The following CDH4 variants were observed in gnomAD, a reference collection of about 807,000 sequenced individuals.
CDH4 encodes the protein cadherin 4.
Under a neutral mutation model 86.0 loss-of-function variants are expected in CDH4, and 33 were observed. The observed-to-expected ratio is 0.38, with a 90% CI of 0.29 to 0.51. CDH4 has a LOEUF of 0.51. Among genes scored for constraint, CDH4 ranks in the 20% least tolerant of loss-of-function variants. The pLI, the probability that CDH4 is intolerant of heterozygous loss-of-function variation, is 0.86. For synonymous variants in CDH4, 555 were observed against 549.4 expected (o/e 1.01, Z -0.14); for missense variants, 1,114 against 1,307.4 (o/e 0.85, Z 2.28).
intron 2 of CDH4, among the ~76,000 whole-genome samples, chr20:61,565,222 AG>A (rs2086268590): frequency 9.3e-5 from 1 of 10,708 alleles, no homozygotes; most frequent in Non-Finnish European, 1.6e-4. Context: ...TCTCGGTGGT[AG>A]GTGGTGGTGG....
intron 2 of CDH4, chr20:61,719,653 T>G (rs976205010): frequency 1.9e-5 from 3 of 156,388 alleles, no homozygotes; most frequent in African/African-American, 7.2e-5. Context: ...CGATCCAATG[T>G]CCCCCCAGAA....
chr20:61,884,716 G>C (rs910773016), intron 7 of CDH4, among the ~76,000 whole-genome samples: 5 of 152,174 alleles, frequency 3.3e-5, no homozygotes, highest in Non-Finnish European at 7.4e-5. Context: ...CTAGTTCCTG[G>C]GTGCCCGGGA....
chr20:61,656,328 C>T (rs1225466262), intron 2 of CDH4, among the ~76,000 whole-genome samples: 9 of 91,960 alleles, frequency 9.8e-5, no homozygotes, highest in South Asian at 8.0e-4. Context: ...TGGGCAGGCG[C>T]GTGCTGGGGT....
intron 2 of CDH4, among the ~76,000 whole-genome samples, chr20:61,530,120 C>A (rs1428816697): frequency 6.6e-6 from 1 of 152,140 alleles, no homozygotes; most frequent in African/African-American, 2.4e-5. Context: ...ACAACCTCCG[C>A]CTCCCAGGTT....
chr20:61,752,906 A>G (rs1307475934), intron 3 of CDH4, among the ~76,000 whole-genome samples: 1 of 152,174 alleles, frequency 6.6e-6, no homozygotes, highest in Non-Finnish European at 1.5e-5. Flanking sequence ...GGGGGACACC[A>G]GAGGGTGGGA....
At chr20:61,353,131 G>A (rs776858116) in intron 2 of CDH4, among the ~76,000 whole-genome samples, 3 of 152,152 alleles carry the variant, frequency 2.0e-5, no homozygotes, top group African/African-American at 4.8e-5. Flanking sequence ...CACAGGCTTC[G>A]CTTCTGGTGT....
chr20:61,704,297 C>A (rs1055507384), intron 2 of CDH4, among the ~76,000 whole-genome samples: 10 of 152,204 alleles, frequency 6.6e-5, no homozygotes, highest in Non-Finnish European at 1.5e-4. Flanking sequence ...AGCACTGCCT[C>A]CCCACTCTGA....
rs115659580 is a variant in CDH4, at chr20:61,522,660, G to A, written c.170-220903G>A. ...CAGCCCCACTCGGAACTGCACGCAC[G>A]GCGCAGTCCGGGTGGGAGCCAGCGC... On this transcript the variant is annotated intron_variant, in intron 2 of 15. Coordinates refer to ENST00000614565, the MANE Select transcript of CDH4 (RefSeq NM_001794.5). Among the ~76,000 whole-genome samples, 8 of 152,278 alleles carry A rather than the reference G, an allele frequency of 5.3e-5. No homozygotes were observed. The East Asian group carries it at 1.2e-3, about 22-fold the overall frequency.
At chr20:61,915,287 T>C (rs965848956) in intron 9 of CDH4, among the ~76,000 whole-genome samples, 11 of 152,168 alleles carry the variant, frequency 7.2e-5, no homozygotes, top group Non-Finnish European at 1.6e-4. Context: ...GTTCCACAGG[T>C]TTGAGGCCGA....
At chr20:61,541,264 C>T (rs1304461176) in intron 2 of CDH4, among the ~76,000 whole-genome samples, 3 of 152,180 alleles carry the variant, frequency 2.0e-5, no homozygotes, top group Non-Finnish European at 4.4e-5. Flanking sequence ...CATTAACGTG[C>T]GGAGAACGCC....
intron 2 of CDH4, among the ~76,000 whole-genome samples, chr20:61,264,237 C>T (rs565753011): frequency 3.7e-4 from 57 of 152,264 alleles, no homozygotes; most frequent in African/African-American, 1.2e-3. Context: ...CCACACTGTG[C>T]GGTGACCTTC....
intron 7 of CDH4, among the ~76,000 whole-genome samples, chr20:61,876,029 T>C (rs1315194120): frequency 6.6e-6 from 1 of 152,200 alleles, no homozygotes; most frequent in African/African-American, 2.4e-5. Flanking sequence ...GAGCAGGTGG[T>C]CTGACTGGAG....
At chr20:61,332,757 T>A (rs8124251) in intron 2 of CDH4, among the ~76,000 whole-genome samples, 85,150 of 152,166 alleles carry the variant, frequency 0.56, 23,841 homozygotes, top group Middle Eastern at 0.68. Context: ...TGCAGGAAGT[T>A]ATTCGCTTCC....
chr20:61,648,408 G>A (rs1292052971), intron 2 of CDH4, among the ~76,000 whole-genome samples: 4 of 152,168 alleles, frequency 2.6e-5, no homozygotes, highest in East Asian at 3.9e-4. Flanking sequence ...TCTGAGGGCC[G>A]GCAGTGTGAT....
At chr20:61,723,204 G>A (rs2088062408) in intron 2 of CDH4, among the ~76,000 whole-genome samples, 1 of 152,162 alleles carries the variant, frequency 6.6e-6, no homozygotes, top group Non-Finnish European at 1.5e-5. Flanking sequence ...CGGCTTCATG[G>A]AGCCCTGGTC....
intron 2 of CDH4, among the ~76,000 whole-genome samples, chr20:61,616,732 T>C (rs2086727991): frequency 6.6e-6 from 1 of 152,196 alleles, no homozygotes; most frequent in African/African-American, 2.4e-5. Flanking sequence ...ACCCCAAAAA[T>C]GGTCATAGCC....
rs1310180814 is a variant in CDH4 at position 61,479,640 on chromosome 20, G to T, written c.169+224703G>T. 4.6e-5 allele frequency among the ~76,000 whole-genome samples: 7 copies of T among 152,288 alleles called. No homozygotes were observed. In the South Asian group the frequency reaches 8.3e-4, roughly 18 times the overall value. On this transcript the variant is annotated intron_variant, in intron 2 of 15. Transcript: ENST00000614565. ...TGCAGCCATAAAAAAGCTGATCACT[G>T]GTTTTAAGCAACTTGATTCTAAGTG... is the stretch of plus-strand genomic sequence containing the variant.
At chr20:61,545,790 TGGG>T (rs1190301121) in intron 2 of CDH4, among the ~76,000 whole-genome samples, 3 of 136,716 alleles carry the variant, frequency 2.2e-5, no homozygotes, top group African/African-American at 8.2e-5. Flanking sequence ...TGCATGTGTT[TGGG>T]GGGTATGTGG....
intron 2 of CDH4, among the ~76,000 whole-genome samples, chr20:61,451,530 A>T (rs1490239812): frequency 6.6e-6 from 1 of 152,202 alleles, no homozygotes; most frequent in East Asian, 1.9e-4. Context: ...GCAAAGCCTG[A>T]AGTGGCAGCA....
Sources: allele counts gnomAD v4.1 joint callset (sites outside exome capture counted in the v4.1 genomes callset), GRCh38; gene constraint gnomAD v4.1.1; transcripts MANE v1.5; gene names NCBI Gene and HGNC (gene_info 2026-07-23, HGNC 2026-07-21).